Variants in USP13 observed in about 807,000 individuals in gnomAD.
USP13 encodes the protein ubiquitin carboxyl-terminal hydrolase 13.
A neutral mutation model predicts 107.8 loss-of-function variants in USP13; 68 were observed. That is an observed-to-expected ratio of 0.63 (90% CI 0.52 to 0.77). The LOEUF (loss-of-function observed/expected upper bound fraction) is 0.77. USP13 is among the 30% of genes least tolerant of loss of function. The pLI is 0.00. For missense variants in USP13, 945 were observed against 1,093.3 expected, an observed-to-expected ratio of 0.86 and a Z score of 1.91; for synonymous variants, 377 against 389.5, an observed-to-expected ratio of 0.97 and a Z score of 0.38.
At chr3:179,757,225 C>G in intron 16 of USP13, 147 bp downstream of exon 16, 1 of 819,910 alleles carries the variant, frequency 1.2e-6, no homozygotes, top group Non-Finnish European at 2.0e-6. Flanking sequence ...GTCTGCTAGT[C>G]AGTGACATGC....
Position 179,730,674 on chromosome 3 carries a change from G to C in USP13, c.1219G>C (p.Glu407Gln). ...GTATTCAAAGCCTCCGGTGAAATCT[G>C]AACTCATTGAACAGGTGATGAAGGA... The part of the protein sequence containing the change: ...GQYSKPPVKS[E>Q]LIEQVMKEEH... Residue 407 changes from glutamate (E) to glutamine (Q), a missense_variant, in exon 10 of 21, where the codon GAA (glutamate) becomes CAA (glutamine). By Grantham distance (29) the Glu-to-Gln change is conservative. Coordinates refer to ENST00000263966, the MANE Select transcript of USP13 (RefSeq NM_003940.3). 2 of 1,614,160 alleles carry C rather than the reference G, an allele frequency of 1.2e-6. No homozygotes were observed. The highest frequency in any genetic ancestry group is 1.7e-6 in the Non-Finnish European group (2 of 1,180,002).
chr3:179,736,819 G>A (rs1714011603), intron 10 of USP13, among the ~76,000 whole-genome samples: 2 of 152,218 alleles, frequency 1.3e-5, no homozygotes, highest in Admixed American at 1.3e-4. Flanking sequence ...CAGAGCAGCA[G>A]CTAGCTCTTC....
rs142012534 is a variant in USP13 at position 179,704,767 on chromosome 3, C to T, written c.478-2167C>T. 5.9e-5 allele frequency among the ~76,000 whole-genome samples: 9 copies of T among 152,234 alleles called. No individual in the cohort carries two copies. In the East Asian group the frequency reaches 1.7e-3, roughly 29 times the overall value. On this transcript the variant is annotated intron_variant, in intron 4 of 20. Transcript: ENST00000263966. ...GCATTTGTAGTGGGAGATAAATGGG[C>T]TTTTGAAAGGCTTAACTATATTTAT...
intron 1 of USP13, among the ~76,000 whole-genome samples, chr3:179,664,459 A>G (rs917482613): frequency 6.6e-5 from 10 of 152,198 alleles, no homozygotes; most frequent in Admixed American, 3.9e-4. Flanking sequence ...TTGAAAAGCC[A>G]GGGAAAAGTG....
chr3:179,661,245 C>T (rs1393684986), intron 1 of USP13, among the ~76,000 whole-genome samples: 1 of 152,154 alleles, frequency 6.6e-6, no homozygotes, highest in Non-Finnish European at 1.5e-5. Flanking sequence ...AGAGTTTAGG[C>T]AAGAAGATAT....
At chr3:179,746,311 T>G (rs1355738278) in intron 13 of USP13, among the ~76,000 whole-genome samples, 1 of 151,130 alleles carries the variant, frequency 6.6e-6, no homozygotes, top group Non-Finnish European at 1.5e-5. Flanking sequence ...TGGAGTGCAG[T>G]GGCATGATCT....
At chr3:179,692,207 T>G (rs1186516714) in intron 3 of USP13, among the ~76,000 whole-genome samples, 1 of 152,222 alleles carries the variant, frequency 6.6e-6, no homozygotes, top group Non-Finnish European at 1.5e-5. Context: ...AGAATGGAAG[T>G]GATTCTGATT....
intron 13 of USP13, among the ~76,000 whole-genome samples, chr3:179,750,777 C>A (rs567241255): frequency 1.3e-5 from 2 of 152,292 alleles, no homozygotes; most frequent in Admixed American, 1.3e-4. Flanking sequence ...CACGGCCTGG[C>A]AGGTAGACAT....
chr3:179,747,770 A>G (rs1714460152), intron 13 of USP13, among the ~76,000 whole-genome samples: 1 of 152,192 alleles, frequency 6.6e-6, no homozygotes, highest in Non-Finnish European at 1.5e-5. Flanking sequence ...TAATGGAGAA[A>G]TGATGCTCTC....
At chr3:179,729,957 C>T (rs181280402) in intron 8 of USP13, among the ~76,000 whole-genome samples, 101 of 152,266 alleles carry the variant, frequency 6.6e-4, no homozygotes, top group African/African-American at 2.3e-3. Flanking sequence ...AAAAGAAACT[C>T]TTTGGGTGAA....
At chr3:179,679,558 A>AG (rs1331795044) in intron 1 of USP13, among the ~76,000 whole-genome samples, 1 of 152,156 alleles carries the variant, frequency 6.6e-6, no homozygotes, top group Non-Finnish European at 1.5e-5. Flanking sequence ...CTAATTTTGT[A>AG]GCCTAAGTTT....
In USP13 at chr3:179,719,523, C is replaced by T. The variant is rs560393998; in HGVS notation, c.806-417C>T. Among the ~76,000 whole-genome samples, 23 of 152,056 alleles carry T rather than the reference C, an allele frequency of 1.5e-4. No individual in the cohort carries two copies. The South Asian group carries it at 4.4e-3, about 29-fold the overall frequency. ...GAGGGCCTGTGTGTTCTCTCTGTTC[C>T]CCCGGAGGTCCCCCCTGCCGTGGCG... On this transcript the variant is annotated intron_variant, in intron 6 of 20. Transcript: ENST00000263966.
intron 8 of USP13, among the ~76,000 whole-genome samples, chr3:179,729,631 C>T (rs1386066306): frequency 6.6e-6 from 1 of 152,098 alleles, no homozygotes; most frequent in Non-Finnish European, 1.5e-5. Context: ...GCCACTGCAC[C>T]TGGCTATTTT....
intron 8 of USP13, among the ~76,000 whole-genome samples, chr3:179,726,425 AC>A (rs1191684828): frequency 6.6e-6 from 1 of 152,222 alleles, no homozygotes. Flanking sequence ...GTCAAAGACA[AC>A]AGGGAAAGAA....
intron 20 of USP13, among the ~76,000 whole-genome samples, chr3:179,782,886 C>T (rs762752441): frequency 8.5e-5 from 13 of 152,172 alleles, no homozygotes; most frequent in Admixed American, 2.0e-4. Context: ...GCTGGGATTA[C>T]AGGCATGTGC....
Position 179,761,190 on chromosome 3 carries a change from A to G in USP13, c.2027A>G (p.Tyr676Cys). The change falls in exon 17 of 21, where the codon TAC becomes TGC. Residue 676 changes from tyrosine (Y) to cysteine (C), a missense_variant. Transcript: ENST00000263966. ...FPLEACRKAVYFTGNMGAEVA... is the reference protein window; with the variant it reads ...FPLEACRKAVCFTGNMGAEVA... ...CTGGAAGCATGTCGCAAGGCTGTGT[A>G]CTTCACTGGAAATATGGGCGCCGAG... 3.7e-6 allele frequency: 6 copies of G among 1,614,146 alleles called. No homozygotes were observed. Among genetic ancestry groups the G allele is most frequent in the Non-Finnish European group, 5.1e-6 (6 of 1,180,020 alleles).
intron 5 of USP13, among the ~76,000 whole-genome samples, chr3:179,708,044 G>A (rs1712785606): frequency 6.6e-6 from 1 of 152,178 alleles, no homozygotes; most frequent in South Asian, 2.1e-4. Context: ...AGTCGGATTT[G>A]TATAAACTAG....
chr3:179,653,585 C>A lies in USP13; in HGVS notation c.168+192C>A. 1 of 802,212 alleles carries A rather than the reference C, an allele frequency of 1.2e-6. No homozygotes were observed. The highest frequency in any genetic ancestry group is 1.9e-6 in the Non-Finnish European group (1 of 538,314). 49.7% of individuals were successfully genotyped at this position (802,212 alleles called of 1,614,324 possible). A position where few individuals can be genotyped will look rare whatever the true frequency, so the allele number is the denominator to read the frequency against. On this transcript the variant is annotated intron_variant, in intron 1 of 20. Coordinates refer to ENST00000263966, the MANE Select transcript of USP13 (RefSeq NM_003940.3). The surrounding 1 kb of genome is among the most constrained non-coding windows in gnomAD (Gnocchi z 4.0). The stretch of plus-strand genomic sequence containing the variant: ...TGCTGCAGCCGAGGACTGGCTCGTG[C>A]TGGTGGTTTTGCTCCGCCAGCCTCC...
Position 179,690,297 on chromosome 3 carries a change from T to G in USP13, c.351T>G (p.Phe117Leu). 6.2e-7 allele frequency: 1 copy of G among 1,613,986 alleles called. No homozygotes were observed. Among genetic ancestry groups the G allele is most frequent in the South Asian group, 1.1e-5 (1 of 91,044 alleles). ...CAAAAAGGAGGAATTCCAAGATTTTTTTAGGTAAATAGTTATCAGTAGCAT... is the reference window on the plus strand; with the variant it reads ...CAAAAAGGAGGAATTCCAAGATTTTGTTAGGTAAATAGTTATCAGTAGCAT... Reference protein sequence around the residue: ...ALPKRRNSKIFLDLDTDDDLN... With the variant: ...ALPKRRNSKILLDLDTDDDLN... The change falls in exon 3 of 21, where the codon TTT (phenylalanine) becomes TTG (leucine). Residue 117 changes from phenylalanine to leucine, a missense_variant. Transcript: ENST00000263966.
Sources: allele counts gnomAD v4.1 joint callset (sites outside exome capture counted in the v4.1 genomes callset), GRCh38; gene constraint gnomAD v4.1.1; non-coding constraint Gnocchi (gnomAD v3.1); transcripts MANE v1.5; gene names NCBI Gene and HGNC (gene_info 2026-07-23, HGNC 2026-07-21).